Variants in SGIP1 observed in about 807,000 individuals in gnomAD.
SGIP1 encodes the protein SH3GL interacting endocytic adaptor 1.
Under a neutral mutation model 107.5 loss-of-function variants are expected in SGIP1, and 38 were observed. That is an observed-to-expected ratio of 0.35 (90% CI 0.27 to 0.46). The LOEUF (loss-of-function observed/expected upper bound fraction) is 0.46. Ranked by LOEUF, SGIP1 falls within the 20% of genes least tolerant of loss-of-function variation. The pLI is 1.00. For missense variants in SGIP1, 929 were observed against 1,019.5 expected, an observed-to-expected ratio of 0.91 and a Z score of 1.21; for synonymous variants, 365 against 366.1, an observed-to-expected ratio of 1.00 and a Z score of 0.03.
intron 1 of SGIP1, among the ~76,000 whole-genome samples, chr1:66,611,392 C>T (rs2067970886): frequency 6.6e-6 from 1 of 152,200 alleles, no homozygotes; most frequent in South Asian, 2.1e-4. Flanking sequence ...AAAACAACAG[C>T]TAGTTGACTT....
At chr1:66,691,410 G>A (rs952927951) in intron 17 of SGIP1, among the ~76,000 whole-genome samples, 21 of 152,094 alleles carry the variant, frequency 1.4e-4, no homozygotes, top group African/African-American at 4.3e-4. Context: ...ACTATATCAC[G>A]TGCCTTTATA....
intron 1 of SGIP1, among the ~76,000 whole-genome samples, chr1:66,550,012 A>C (rs540352399): frequency 6.6e-6 from 1 of 152,150 alleles, no homozygotes; most frequent in Non-Finnish European, 1.5e-5. Flanking sequence ...AGTCCCTCCC[A>C]GTATCTTTGA....
intron 18 of SGIP1, among the ~76,000 whole-genome samples, chr1:66,700,693 A>G (rs2091781547): frequency 1.3e-5 from 2 of 152,148 alleles, no homozygotes; most frequent in African/African-American, 2.4e-5. Flanking sequence ...GGTTGTGAAC[A>G]TTCAAAATCC....
chr1:66,542,734 GA>G (rs1016636725), intron 1 of SGIP1, among the ~76,000 whole-genome samples: 75 of 152,116 alleles, frequency 4.9e-4, no homozygotes, highest in African/African-American at 1.7e-3. Flanking sequence ...GTGGGTAACT[GA>G]ACCCACAGAA....
At chr1:66,559,308 T>C (rs2148416586) in intron 1 of SGIP1, among the ~76,000 whole-genome samples, 1 of 152,212 alleles carries the variant, frequency 6.6e-6, no homozygotes, top group African/African-American at 2.4e-5. Context: ...TTTCAAATAT[T>C]AGGGCAGATC....
At chr1:66,659,995 A>AC (rs1557496821) in intron 7 of SGIP1, 6 of 74,044 alleles carry the variant, frequency 8.1e-5, no homozygotes, top group South Asian at 1.2e-3. Flanking sequence ...AGAAAGAAAG[A>AC]AAGACAGACA....
At chr1:66,641,242 G>T (rs2076739408) in intron 5 of SGIP1, among the ~76,000 whole-genome samples, 1 of 152,100 alleles carries the variant, frequency 6.6e-6, no homozygotes, top group African/African-American at 2.4e-5. Flanking sequence ...GAAGGTAACA[G>T]AAATGTAAAT....
chr1:66,598,619 C>T (rs1185765580), intron 1 of SGIP1, among the ~76,000 whole-genome samples: 1 of 152,114 alleles, frequency 6.6e-6, no homozygotes, highest in East Asian at 1.9e-4. Context: ...ACAATCGTGG[C>T]TGAATGTGAA....
At chr1:66,590,258 T>C (rs2063408783) in intron 1 of SGIP1, among the ~76,000 whole-genome samples, 2 of 152,182 alleles carry the variant, frequency 1.3e-5, no homozygotes, top group African/African-American at 4.8e-5. Context: ...CCTACTTACT[T>C]TGGAGATAAA....
intron 8 of SGIP1, among the ~76,000 whole-genome samples, 161 bp from the exon 9 acceptor site, chr1:66,667,369 A>T (rs2082808253): frequency 6.6e-6 from 1 of 152,212 alleles, no homozygotes; most frequent in Non-Finnish European, 1.5e-5. Flanking sequence ...TATGGTTTAA[A>T]TAAGCCCTAA....
intron 7 of SGIP1, among the ~76,000 whole-genome samples, chr1:66,654,661 C>T (rs1263057052): frequency 6.6e-6 from 1 of 152,120 alleles, no homozygotes; most frequent in Admixed American, 6.5e-5. Flanking sequence ...GTGTGAATCA[C>T]TCATATTAAT....
intron 15 of SGIP1, among the ~76,000 whole-genome samples, chr1:66,686,839 T>C (rs2150059461): frequency 6.6e-6 from 1 of 152,382 alleles, no homozygotes; most frequent in South Asian, 2.1e-4. Context: ...ACTTGTTAGT[T>C]GTATTTGTAT....
chr1:66,604,423 A>G (rs1377279334), intron 1 of SGIP1, among the ~76,000 whole-genome samples: 1 of 152,226 alleles, frequency 6.6e-6, no homozygotes, highest in Non-Finnish European at 1.5e-5. Context: ...CTACCAAGTC[A>G]AATAACGTGA....
At chr1:66,541,146 T>C (rs1303757903) in intron 1 of SGIP1, among the ~76,000 whole-genome samples, 1 of 152,268 alleles carries the variant, frequency 6.6e-6, no homozygotes, top group Non-Finnish European at 1.5e-5. Flanking sequence ...AGTGCATTTA[T>C]GGCAACCCTC....
chr1:66,686,727 CA>C lies in SGIP1; in HGVS notation c.1316-2419del, dbSNP rs2088398508. On this transcript the variant is annotated intron_variant, in intron 15 of 24. Coordinates refer to ENST00000371037, the MANE Select transcript of SGIP1 (RefSeq NM_032291.4). ...TTCTCTTAATGTCGTTCTAGCTGCA[CA>C]AGAAATCAATTACTTCAAATCAGTA... 4.6e-5 allele frequency among the ~76,000 whole-genome samples: 7 copies of C among 152,260 alleles called. No homozygotes were observed. In the East Asian group the frequency reaches 1.4e-3, roughly 29 times the overall value.
chr1:66,695,020 C>T, intron 17 of SGIP1: 1 of 311,520 alleles, frequency 3.2e-6, no homozygotes, highest in Admixed American at 4.7e-5. Flanking sequence ...CAATCCATAA[C>T]TCTGAGTTTA....
At chr1:66,561,832 C>G (rs2058993975) in intron 1 of SGIP1, among the ~76,000 whole-genome samples, 1 of 152,006 alleles carries the variant, frequency 6.6e-6, no homozygotes, top group African/African-American at 2.4e-5. Context: ...AGGCCAATGT[C>G]TGAAACAGAT....
At chr1:66,548,033 GAGA>G (rs903795929) in intron 1 of SGIP1, among the ~76,000 whole-genome samples, 8 of 152,192 alleles carry the variant, frequency 5.3e-5, no homozygotes, top group South Asian at 2.1e-4. Context: ...AGAGGCAGGA[GAGA>G]AGAACAGGAG....
intron 18 of SGIP1, among the ~76,000 whole-genome samples, chr1:66,702,061 G>A (rs187630346): frequency 2.2e-4 from 34 of 152,270 alleles, no homozygotes; most frequent in Middle Eastern, 3.4e-3. Flanking sequence ...GCAGTGTATC[G>A]CTGATGAGCC....
Sources: allele counts gnomAD v4.1 joint callset (sites outside exome capture counted in the v4.1 genomes callset), GRCh38; gene constraint gnomAD v4.1.1; transcripts MANE v1.5; gene names NCBI Gene and HGNC (gene_info 2026-07-23, HGNC 2026-07-21).